The following GABBR2 variants were observed in gnomAD, a reference collection of about 807,000 sequenced individuals.
GABBR2 encodes the protein gamma-aminobutyric acid type B receptor subunit 2.
In GABBR2, 23 loss-of-function variants were observed where a neutral mutation model predicts 105.6. The observed-to-expected ratio is 0.22, with a 90% CI of 0.16 to 0.31. The LOEUF is 0.31. Among genes scored for constraint, GABBR2 ranks in the 10% least tolerant of loss-of-function variants. The pLI is 1.00. For synonymous variants in GABBR2, 478 were observed against 499.7 expected (o/e 0.96, Z 0.58); for missense variants, 734 against 1,245.5 (o/e 0.59, Z 6.18).
intron 1 of GABBR2, among the ~76,000 whole-genome samples, chr9:98,679,996 C>T (rs1371470970): frequency 6.6e-6 from 1 of 152,224 alleles, no homozygotes; most frequent in East Asian, 1.9e-4. Context: ...GCTCCTGTGT[C>T]ATGTAAAACT....
intron 8 of GABBR2, among the ~76,000 whole-genome samples, chr9:98,400,014 TG>T (rs1832363245): frequency 8.7e-6 from 1 of 114,916 alleles, no homozygotes; most frequent in Non-Finnish European, 1.7e-5. Context: ...CCCACCTCCA[TG>T]AAAAAAAAAA....
At chr9:98,551,686 C>A (rs1240861182) in intron 2 of GABBR2, among the ~76,000 whole-genome samples, 3 of 152,120 alleles carry the variant, frequency 2.0e-5, no homozygotes, top group Admixed American at 2.0e-4. Context: ...GCGTTCAGGG[C>A]CTGCATACTG....
intron 7 of GABBR2, among the ~76,000 whole-genome samples, chr9:98,448,274 A>T (rs1270545661): frequency 6.6e-6 from 1 of 151,870 alleles, no homozygotes; most frequent in Non-Finnish European, 1.5e-5. Flanking sequence ...TCTTCTCATA[A>T]TCCGAGACAT....
chr9:98,491,356 G>C (rs1564091074), intron 4 of GABBR2, among the ~76,000 whole-genome samples: 1 of 152,140 alleles, frequency 6.6e-6, no homozygotes, highest in Non-Finnish European at 1.5e-5. Flanking sequence ...TAAATAGCTA[G>C]AGTTCGTTTT....
At position 98,388,718 on chromosome 9, in the gene GABBR2, G is replaced by A. The variant is rs1295439120; in HGVS notation, c.1529+136C>T. The A allele has an allele frequency of 1.9e-5, 11 of 570,674 alleles. No individual in the cohort carries two copies. Among genetic ancestry groups the A allele is most frequent in the Middle Eastern group, 3.0e-4 (1 of 3,280 alleles). 35.4% of individuals were successfully genotyped at this position (570,674 alleles called of 1,614,324 possible). The stretch of plus-strand genomic sequence containing the variant: ...GTAACACCTACAACATCCTAGCAAC[G>A]GAGGAACACTTTGGGAAACTCTGCC... On this transcript the variant is annotated intron_variant, in intron 10 of 18. Coordinates refer to ENST00000259455, the MANE Select transcript of GABBR2 (RefSeq NM_005458.8). This position sits in a 1 kb window ranked among gnomAD's most constrained non-coding sequence, Gnocchi z 4.4.
intron 13 of GABBR2, among the ~76,000 whole-genome samples, chr9:98,335,102 C>CA (rs1347285047): frequency 1.3e-5 from 2 of 152,186 alleles, no homozygotes; most frequent in Non-Finnish European, 2.9e-5. Context: ...AACAATGCTG[C>CA]AGAAATAGAA....
At chr9:98,522,158 G>C (rs1414772816) in intron 3 of GABBR2, among the ~76,000 whole-genome samples, 2 of 151,878 alleles carry the variant, frequency 1.3e-5, no homozygotes, top group Non-Finnish European at 2.9e-5. Context: ...AAAAACTGAT[G>C]AATATTGTGG....
chr9:98,464,020 A>G lies in GABBR2; in HGVS notation c.999+9126T>C, dbSNP rs571307846. Among the ~76,000 whole-genome samples, 40 of 152,228 alleles carry G rather than the reference A, an allele frequency of 2.6e-4. 1 individual carries two copies. The South Asian group carries it at 7.5e-3, about 28-fold the overall frequency. On this transcript the variant is annotated intron_variant, in intron 6 of 18. Transcript: ENST00000259455. The stretch of plus-strand genomic sequence containing the variant: ...TCCCAGCCACCTGCCTTGGCCTCCC[A>G]AAGTGCTAAGATTACAGCCTCTGCC...
At chr9:98,349,872 C>T (rs1427639412) in intron 13 of GABBR2, among the ~76,000 whole-genome samples, 1 of 152,110 alleles carries the variant, frequency 6.6e-6, no homozygotes, top group Non-Finnish European at 1.5e-5. Context: ...ATAAAGCCAT[C>T]TTGTCCTGGG....
At chr9:98,608,001 C>T in intron 1 of GABBR2, 1 of 1,279,510 alleles carries the variant, frequency 7.8e-7, no homozygotes, top group South Asian at 1.3e-5. Flanking sequence ...GGAAGCACAG[C>T]ATAAACAATT....
chr9:98,453,968 G>A lies in GABBR2; in HGVS notation c.1236+13C>T, dbSNP rs752921505. On this transcript the variant is annotated intron_variant, in intron 7 of 18. Transcript: ENST00000259455. ...GAACACTAAGGAAAACAGCCCAGAGGCATGGGACTGACCGTGACCCCGAAG... is the reference window on the plus strand; with the variant it reads ...GAACACTAAGGAAAACAGCCCAGAGACATGGGACTGACCGTGACCCCGAAG... 7.7e-6 allele frequency: 12 copies of A among 1,564,704 alleles called. No individual in the cohort carries two copies. Among genetic ancestry groups the A allele is most frequent in the Non-Finnish European group, 8.8e-6 (10 of 1,134,908 alleles).
intron 3 of GABBR2, among the ~76,000 whole-genome samples, chr9:98,528,106 T>C (rs992115754): frequency 4.6e-5 from 7 of 152,180 alleles, no homozygotes; most frequent in African/African-American, 7.2e-5. Flanking sequence ...CTTTATAAAA[T>C]GTGGCTACTA....
intron 2 of GABBR2, among the ~76,000 whole-genome samples, chr9:98,574,009 C>T (rs1828876552): frequency 1.3e-5 from 2 of 152,160 alleles, no homozygotes; most frequent in Admixed American, 6.5e-5. Context: ...GGGGAATGGG[C>T]GGCACTGAAG....
At position 98,537,389 on chromosome 9, in the gene GABBR2, T is replaced by A. The variant is rs778044659; in HGVS notation, c.630+4484A>T. ...GTGGAACTGACTACAAATGGGCACA[T>A]GGGAATTTTTAGAGTGATGAAGAGT... On this transcript the variant is annotated intron_variant, in intron 3 of 18. Coordinates refer to ENST00000259455, the MANE Select transcript of GABBR2 (RefSeq NM_005458.8). Among the ~76,000 whole-genome samples, 23 of 151,798 alleles carry A rather than the reference T, an allele frequency of 1.5e-4. 1 individual carries two copies. Among genetic ancestry groups the A allele is most frequent in the Non-Finnish European group, 2.6e-4 (18 of 67,974 alleles).
chr9:98,342,070 C>T (rs1179635781), intron 13 of GABBR2, among the ~76,000 whole-genome samples: 2 of 152,072 alleles, frequency 1.3e-5, no homozygotes, highest in East Asian at 3.9e-4. Context: ...AGGGGACCGG[C>T]ACACAGACAG....
intron 1 of GABBR2, among the ~76,000 whole-genome samples, chr9:98,692,953 T>A (rs558447576): frequency 6.6e-6 from 1 of 152,270 alleles, no homozygotes; most frequent in Admixed American, 6.5e-5. Context: ...AATGACATAT[T>A]CCTTGGAATG....
intron 6 of GABBR2, among the ~76,000 whole-genome samples, chr9:98,466,422 G>A (rs1826557484): frequency 6.6e-6 from 1 of 152,152 alleles, no homozygotes; most frequent in Non-Finnish European, 1.5e-5. Context: ...TTACATGGGT[G>A]CTCTCCTTCA....
intron 13 of GABBR2, among the ~76,000 whole-genome samples, chr9:98,336,029 G>A (rs1259321573): frequency 1.3e-5 from 2 of 152,226 alleles, no homozygotes; most frequent in African/African-American, 2.4e-5. Context: ...ATGAGAGAAC[G>A]AGGAATAAGC....
At chr9:98,576,172 T>G (rs916988678) in intron 2 of GABBR2, among the ~76,000 whole-genome samples, 2 of 152,180 alleles carry the variant, frequency 1.3e-5, no homozygotes, top group Non-Finnish European at 2.9e-5. Flanking sequence ...GAGGAAGTCC[T>G]CAGCCAGTGC....
Sources: allele counts gnomAD v4.1 joint callset (sites outside exome capture counted in the v4.1 genomes callset), GRCh38; gene constraint gnomAD v4.1.1; non-coding constraint Gnocchi (gnomAD v3.1); transcripts MANE v1.5; gene names NCBI Gene and HGNC (gene_info 2026-07-23, HGNC 2026-07-21).